The following IQGAP2 variants were observed in gnomAD, a reference collection of about 807,000 sequenced individuals.
The protein encoded by IQGAP2 is ras GTPase-activating-like protein IQGAP2.
IQGAP2 carries 173 observed loss-of-function variants against 201.3 expected under a neutral mutation model. The observed-to-expected ratio is 0.86, with a 90% CI of 0.76 to 0.98. IQGAP2 has a LOEUF of 0.98. IQGAP2 is among the 50% of genes least tolerant of loss of function. IQGAP2 has a pLI of 0.00. For missense variants in IQGAP2, 1,687 were observed against 1,864.8 expected (o/e 0.90, Z 1.76); for synonymous variants, 675 against 673.9 (o/e 1.00, Z -0.03).
At chr5:76,439,391 C>T (rs1281336159) in intron 1 of IQGAP2, among the ~76,000 whole-genome samples, 1 of 152,232 alleles carries the variant, frequency 6.6e-6, no homozygotes, top group Non-Finnish European at 1.5e-5. Context: ...TCCAGTGTTC[C>T]TTTGTTGACT....
At chr5:76,517,366 G>A (rs750641657) in intron 2 of IQGAP2, among the ~76,000 whole-genome samples, 1 of 152,054 alleles carries the variant, frequency 6.6e-6, no homozygotes, top group South Asian at 2.1e-4. Context: ...CCTTCTAACT[G>A]CATTCAACTC....
At chr5:76,442,942 G>A (rs192263751) in intron 1 of IQGAP2, among the ~76,000 whole-genome samples, 72 of 152,274 alleles carry the variant, frequency 4.7e-4, no homozygotes, top group African/African-American at 1.6e-3. Flanking sequence ...AGGCAAGATC[G>A]TGCCACTGCA....
rs771069172 is a variant in IQGAP2 at position 76,631,965 on chromosome 5, G to A, written c.1719G>A (p.Pro573=). The A allele has an allele frequency of 4.8e-5, 77 of 1,612,438 alleles. No individual in the cohort carries two copies. The highest frequency in any genetic ancestry group is 9.4e-5 in the African/African-American group (7 of 74,816). ...SSTSNANDII[P]ECADKYYDAL... ...CTTCTAATGCAAATGACATAATCCC[G>A]GAGTGTGCTGACAAATACTATGATG... Residue 573 remains proline, a synonymous_variant, in exon 15 of 36, where the codon CCG becomes CCA. Coordinates refer to ENST00000274364, the MANE Select transcript of IQGAP2 (RefSeq NM_006633.5).
chr5:76,527,583 A>G (rs768018806), intron 2 of IQGAP2, among the ~76,000 whole-genome samples: 6 of 152,236 alleles, frequency 3.9e-5, no homozygotes, highest in Non-Finnish European at 8.8e-5. Context: ...TTTTCAACAT[A>G]TAATAATTTA....
At chr5:76,612,952 C>A (rs968362700) in intron 13 of IQGAP2, among the ~76,000 whole-genome samples, 2 of 152,122 alleles carry the variant, frequency 1.3e-5, no homozygotes, top group African/African-American at 4.8e-5. Context: ...CAATGTAAAT[C>A]CTATCCTCAC....
chr5:76,411,296 A>G (rs1486496197), intron 1 of IQGAP2, among the ~76,000 whole-genome samples: 1 of 152,190 alleles, frequency 6.6e-6, no homozygotes, highest in African/African-American at 2.4e-5. Context: ...TATCTCTTGG[A>G]TGTTTGATTT....
chr5:76,665,255 C>A (rs1402455424), intron 22 of IQGAP2, 80 bp downstream of exon 22: 5 of 1,224,840 alleles, frequency 4.1e-6, no homozygotes, highest in South Asian at 1.4e-5. Context: ...AGTATTTTGT[C>A]ATGCTTCAGC....
chr5:76,468,965 C>T (rs186576034), intron 2 of IQGAP2, among the ~76,000 whole-genome samples: 1 of 152,312 alleles, frequency 6.6e-6, no homozygotes, highest in Admixed American at 6.5e-5. Context: ...GAATGAATAA[C>T]GTAATGCCCA....
chr5:76,583,937 A>G (rs901113936), intron 5 of IQGAP2, among the ~76,000 whole-genome samples: 4 of 152,160 alleles, frequency 2.6e-5, no homozygotes, highest in African/African-American at 7.2e-5. Flanking sequence ...CAGTGGCACA[A>G]TCGTGGCTCA....
In IQGAP2 at chr5:76,668,847, A is replaced by G; in HGVS notation, c.2843+3A>G. 1.9e-6 allele frequency: 3 copies of G among 1,561,794 alleles called. No homozygotes were observed. The highest frequency in any genetic ancestry group is 8.7e-7 in the Non-Finnish European group (1 of 1,146,604). On this transcript the variant is annotated splice_donor_region_variant and intron_variant, in intron 23 of 35. Transcript: ENST00000274364. Reference sequence around the variant, plus strand: ...ACTGCTCTGGAGGAAGAAATAAAGTATGTATACAAATATGTATGTAAAAAT... The same window carrying G: ...ACTGCTCTGGAGGAAGAAATAAAGTGTGTATACAAATATGTATGTAAAAAT...
At position 76,590,551 on chromosome 5, in the gene IQGAP2, G is replaced by C; in HGVS notation, c.784G>C (p.Ala262Pro). 1 of 1,608,310 alleles carries C rather than the reference G, an allele frequency of 6.2e-7. No homozygotes were observed. The highest frequency in any genetic ancestry group is 8.5e-7 in the Non-Finnish European group (1 of 1,178,516). The change falls in exon 8 of 36, where the codon GCC (alanine) becomes CCC (proline). Residue 262 changes from alanine (A) to proline (P), a missense_variant. Physicochemically the swap from Ala to Pro is conservative, Grantham distance 27 (BLOSUM62 -1). Coordinates refer to ENST00000274364, the MANE Select transcript of IQGAP2 (RefSeq NM_006633.5). ...APEYQKELWDAKKKKEENARL... is the reference protein window; with the variant it reads ...APEYQKELWDPKKKKEENARL... ...AGAATATCAGAAAGAACTCTGGGATGCCAAAAAGAAAAAAGAGGAAAATGC... is the reference window on the plus strand; with the variant it reads ...AGAATATCAGAAAGAACTCTGGGATCCCAAAAAGAAAAAAGAGGAAAATGC...
intron 1 of IQGAP2, among the ~76,000 whole-genome samples, chr5:76,417,778 C>T (rs1007491909): frequency 1.5e-4 from 23 of 151,434 alleles, no homozygotes; most frequent in Admixed American, 1.4e-3. Flanking sequence ...GATGGGGTTT[C>T]GCCATGTTGC....
intron 2 of IQGAP2, among the ~76,000 whole-genome samples, chr5:76,505,327 A>C (rs1757553946): frequency 2.0e-5 from 3 of 152,204 alleles, no homozygotes; most frequent in South Asian, 4.1e-4. Context: ...CGAAACTGCA[A>C]ATCTCAACTG....
At chr5:76,574,287 T>C (rs1352687711) in intron 4 of IQGAP2, among the ~76,000 whole-genome samples, 2 of 152,208 alleles carry the variant, frequency 1.3e-5, no homozygotes, top group African/African-American at 4.8e-5. Flanking sequence ...AATCTGTTTC[T>C]TTTGTTGATT....
intron 8 of IQGAP2, among the ~76,000 whole-genome samples, chr5:76,591,875 G>A (rs1032519910): frequency 1.3e-5 from 2 of 152,166 alleles, no homozygotes; most frequent in African/African-American, 4.8e-5. Context: ...TATCAGAAGA[G>A]TTCCCCTTGC....
chr5:76,674,546 A>G lies in IQGAP2; in HGVS notation c.3364A>G (p.Ile1122Val). Residue 1122 changes from isoleucine to valine, a missense_variant, in exon 27 of 36, where the codon ATC becomes GTC. Ile to Val is a conservative substitution (Grantham distance 29, BLOSUM62 3). Coordinates refer to ENST00000274364, the MANE Select transcript of IQGAP2 (RefSeq NM_006633.5). ...TGTAGCTCCAGATGGCTTTGATATCATCGACATGACAGCTGGAGGTCAGAT... is the reference window on the plus strand; with the variant it reads ...TGTAGCTCCAGATGGCTTTGATATCGTCGACATGACAGCTGGAGGTCAGAT... ...AIVAPDGFDI[I>V]DMTAGGQINS... 6 of 1,614,158 alleles carry G rather than the reference A, an allele frequency of 3.7e-6. No individual in the cohort carries two copies. The highest frequency in any genetic ancestry group is 4.2e-6 in the Non-Finnish European group (5 of 1,180,008).
At chr5:76,504,500 A>G (rs1364922924) in intron 2 of IQGAP2, among the ~76,000 whole-genome samples, 2 of 152,178 alleles carry the variant, frequency 1.3e-5, no homozygotes, top group Non-Finnish European at 2.9e-5. Flanking sequence ...TCTATATGGT[A>G]TAGATGGATG....
chr5:76,593,089 G>T (rs570374486), intron 9 of IQGAP2, among the ~76,000 whole-genome samples, 164 bp downstream of exon 9: 1 of 152,244 alleles, frequency 6.6e-6, no homozygotes, highest in African/African-American at 2.4e-5. Flanking sequence ...GCAGCATTTG[G>T]CAGTTTCCCA....
intron 28 of IQGAP2, among the ~76,000 whole-genome samples, chr5:76,680,546 A>T (rs1459824263): frequency 6.6e-6 from 1 of 152,100 alleles, no homozygotes; most frequent in Non-Finnish European, 1.5e-5. Context: ...TTGAGGCTAG[A>T]CGTGGTGGCT....
Sources: gnomAD v4.1 joint callset for allele counts (sites outside exome capture counted in the v4.1 genomes callset) on GRCh38, gnomAD v4.1.1 for gene constraint, MANE v1.5 for transcripts, NCBI Gene and HGNC (gene_info 2026-07-23, HGNC 2026-07-21) for gene names.